Variants in CASQ2 observed in about 807,000 individuals in gnomAD.
The protein encoded by CASQ2 is calsequestrin-2.
A neutral mutation model predicts 46.5 loss-of-function variants in CASQ2; 49 were observed. The observed-to-expected ratio is 1.05, with a 90% CI of 0.84 to 1.34. The LOEUF (loss-of-function observed/expected upper bound fraction) is 1.34. Ranked by LOEUF, CASQ2 falls within the 40% of genes most tolerant of loss-of-function variation. The pLI is 0.00. For missense variants in CASQ2, 486 were observed against 481.3 expected, an observed-to-expected ratio of 1.01 and a Z score of -0.09; for synonymous variants, 174 against 168.5, an observed-to-expected ratio of 1.03 and a Z score of -0.25.
chr1:115,719,348 G>T (rs1383554852), intron 7 of CASQ2, among the ~76,000 whole-genome samples: 2 of 152,148 alleles, frequency 1.3e-5, no homozygotes, highest in Non-Finnish European at 1.5e-5. Flanking sequence ...AGAATATCCC[G>T]ATCAGTTCTC....
intron 10 of CASQ2, among the ~76,000 whole-genome samples, 191 bp from the exon 11 acceptor site, chr1:115,701,617 G>T (rs752753595): frequency 1.3e-5 from 2 of 152,162 alleles, no homozygotes; most frequent in Non-Finnish European, 2.9e-5. Flanking sequence ...TTGCATAAAA[G>T]GAAATGTGTA....
chr1:115,739,153 C>T (rs550996687), intron 3 of CASQ2, among the ~76,000 whole-genome samples: 19 of 69,134 alleles, frequency 2.7e-4, no homozygotes, highest in African/African-American at 6.5e-4. Flanking sequence ...GCTGTGTTGC[C>T]CAGGCTGGAG....
chr1:115,749,116 T>A (rs989127916), intron 1 of CASQ2, among the ~76,000 whole-genome samples: 19 of 152,242 alleles, frequency 1.2e-4, no homozygotes, highest in African/African-American at 4.3e-4. Flanking sequence ...CTCTTCTAAC[T>A]GCTGGGCTCT....
chr1:115,701,088 C>T lies in CASQ2; in HGVS notation c.*153G>A. On this transcript the variant is annotated 3_prime_UTR_variant, in exon 11 of 11. Transcript: ENST00000261448. ...TTGAAAAGGCATTTGCTGAATGATG[C>T]TGCTCCTGACGCAAAGGGAGTGGGA... The T allele has an allele frequency of 3.5e-6, 4 of 1,156,024 alleles. No homozygotes were observed. Among genetic ancestry groups the T allele is most frequent in the Non-Finnish European group, 5.2e-6 (4 of 771,086 alleles). The allele number at this position is 1,156,024 out of a possible 1,614,324, so 71.6% of individuals were successfully genotyped here. A position where few individuals can be genotyped will look rare whatever the true frequency, so the allele number is the denominator to read the frequency against.
chr1:115,720,726 C>T (rs1172343183), intron 7 of CASQ2, among the ~76,000 whole-genome samples: 1 of 152,176 alleles, frequency 6.6e-6, no homozygotes, highest in Non-Finnish European at 1.5e-5. Context: ...TTGTACGCCC[C>T]CCTGTCGCAG....
intron 1 of CASQ2, among the ~76,000 whole-genome samples, chr1:115,753,131 A>G (rs2101111215): frequency 6.6e-6 from 1 of 152,296 alleles, no homozygotes; most frequent in South Asian, 2.1e-4. Context: ...AGACCCAGAG[A>G]GTTCACAGTC....
intron 1 of CASQ2, among the ~76,000 whole-genome samples, chr1:115,752,713 A>G (rs868249951): frequency 4.6e-5 from 7 of 152,232 alleles, no homozygotes; most frequent in African/African-American, 1.2e-4. Context: ...GGACTTAACT[A>G]CTAGGACTGG....
chr1:115,762,042 GA>G (rs1648981764), intron 1 of CASQ2, among the ~76,000 whole-genome samples: 1 of 152,200 alleles, frequency 6.6e-6, no homozygotes, highest in Non-Finnish European at 1.5e-5. Flanking sequence ...TCTTAAGCAG[GA>G]AAAGCAGAAG....
chr1:115,739,062 TTA>T (rs1557797326), intron 3 of CASQ2, among the ~76,000 whole-genome samples: 1 of 82,874 alleles, frequency 1.2e-5, no homozygotes, highest in Admixed American at 1.1e-4. Context: ...TTTTCTTTTT[TTA>T]AAAAAAAAAA....
At chr1:115,726,148 G>C (rs998527146) in intron 6 of CASQ2, among the ~76,000 whole-genome samples, 1 of 152,168 alleles carries the variant, frequency 6.6e-6, no homozygotes, top group Non-Finnish European at 1.5e-5. Flanking sequence ...GTCCAGGTGA[G>C]GGGGATCACA....
chr1:115,741,980 GGC>G, intron 2 of CASQ2, among the ~76,000 whole-genome samples: 1 of 152,266 alleles, frequency 6.6e-6, no homozygotes, highest in Non-Finnish European at 1.5e-5. Flanking sequence ...AGCAGCCTCT[GGC>G]ACATGGGCGG....
chr1:115,713,819 T>C (rs1007008461), intron 8 of CASQ2, among the ~76,000 whole-genome samples: 2 of 152,144 alleles, frequency 1.3e-5, no homozygotes, highest in African/African-American at 4.8e-5. Context: ...GTTGGTGTGA[T>C]AGGGTGGACT....
chr1:115,703,111 G>C (rs1429874397), intron 9 of CASQ2, 116 bp from the exon 10 acceptor site: 1 of 781,294 alleles, frequency 1.3e-6, no homozygotes, highest in East Asian at 2.7e-5. Flanking sequence ...CTTCAAAACA[G>C]CTGTGAGCAC....
chr1:115,766,095 T>C (rs987938518), intron 1 of CASQ2, among the ~76,000 whole-genome samples: 4 of 152,310 alleles, frequency 2.6e-5, no homozygotes, highest in African/African-American at 7.2e-5. Context: ...GTTTGCACTT[T>C]TGCATGAGCA....
chr1:115,757,048 C>G (rs79738739), intron 1 of CASQ2, among the ~76,000 whole-genome samples: 1 of 152,196 alleles, frequency 6.6e-6, no homozygotes, highest in African/African-American at 2.4e-5. Flanking sequence ...TGCGCAATAC[C>G]GGGGGCTTTG....
Position 115,759,419 on chromosome 1 carries a change from CT to C in CASQ2, c.234+8888del, listed in dbSNP as rs370644462. ...TGACTTCCTTGGCTTCTCTGTCTTT[CT>C]TTCTCTCTCATCACATGATTTCCTT... On this transcript the variant is annotated intron_variant, in intron 1 of 10. Transcript: ENST00000261448. 4.7e-3 allele frequency among the ~76,000 whole-genome samples: 715 copies of C among 152,318 alleles called. 5 individuals carry two copies. Among genetic ancestry groups the C allele is most frequent in the African/African-American group, 0.016 (679 of 41,560 alleles).
intron 3 of CASQ2, among the ~76,000 whole-genome samples, chr1:115,738,798 T>C (rs9428206): frequency 0.71 from 107,898 of 151,638 alleles, 41,985 homozygotes; most frequent in Non-Finnish European, 0.87. Flanking sequence ...CACCATGCTG[T>C]ACAATATATC....
At chr1:115,740,596 T>G (rs1648141380) in intron 3 of CASQ2, 132 bp downstream of exon 3, 1 of 689,000 alleles carries the variant, frequency 1.5e-6, no homozygotes, top group Non-Finnish European at 2.6e-6. Flanking sequence ...GCTCCTTAGT[T>G]TTTTGTGAAT....
At chr1:115,726,566 A>T (rs975541208) in intron 6 of CASQ2, among the ~76,000 whole-genome samples, 5 of 152,234 alleles carry the variant, frequency 3.3e-5, no homozygotes, top group African/African-American at 1.2e-4. Flanking sequence ...TCCTTGGCTA[A>T]GTTACTTAAC....
Sources: gnomAD v4.1 joint callset for allele counts (sites outside exome capture counted in the v4.1 genomes callset) on GRCh38, gnomAD v4.1.1 for gene constraint, MANE v1.5 for transcripts, NCBI Gene and HGNC (gene_info 2026-07-23, HGNC 2026-07-21) for gene names.